Variants in ENOX1 observed in about 807,000 individuals in gnomAD.
The protein encoded by ENOX1 is ecto-NOX disulfide-thiol exchanger 1.
A neutral mutation model predicts 82.5 loss-of-function variants in ENOX1; 42 were observed. That is an observed-to-expected ratio of 0.51 (90% CI 0.40 to 0.66). ENOX1 has a LOEUF of 0.66. Ranked by LOEUF, ENOX1 falls within the 30% of genes least tolerant of loss-of-function variation. ENOX1 has a pLI of 0.00. For missense variants in ENOX1, 608 were observed against 811.6 expected (o/e 0.75, Z 3.05); for synonymous variants, 271 against 282.2 (o/e 0.96, Z 0.40).
At position 43,251,077 on chromosome 13, in the gene ENOX1, T is replaced by G. The variant is rs138868652; in HGVS notation, c.1611+14321A>C. Among the ~76,000 whole-genome samples, 491 of 151,728 alleles carry G rather than the reference T, an allele frequency of 3.2e-3. 2 individuals carry two copies. Among genetic ancestry groups the G allele is most frequent in the African/African-American group, 0.011 (461 of 41,390 alleles). The stretch of plus-strand genomic sequence containing the variant: ...GCAATCTGTGTTTTAAAAAGCTATC[T>G]TTGATTCGATTGCTTATTAAAGTTC... On this transcript the variant is annotated intron_variant, in intron 14 of 16. Transcript: ENST00000690772.
chr13:43,386,535 C>A (rs769774426), intron 5 of ENOX1, among the ~76,000 whole-genome samples: 4 of 152,122 alleles, frequency 2.6e-5, no homozygotes, highest in Non-Finnish European at 4.4e-5. Context: ...GACAGCTGCT[C>A]CCCATTCAGT....
chr13:43,732,913 G>A (rs1443163065), intron 1 of ENOX1, among the ~76,000 whole-genome samples: 1 of 152,164 alleles, frequency 6.6e-6, no homozygotes, highest in Non-Finnish European at 1.5e-5. Flanking sequence ...TGCCCATGTT[G>A]CAGACAGTGA....
At chr13:43,569,477 C>T (rs1436784368) in intron 2 of ENOX1, among the ~76,000 whole-genome samples, 1 of 152,114 alleles carries the variant, frequency 6.6e-6, no homozygotes, top group South Asian at 2.1e-4. Context: ...GCTCAGAGAC[C>T]TATGTTCTCT....
intron 3 of ENOX1, among the ~76,000 whole-genome samples, chr13:43,416,126 G>A (rs1191592723): frequency 7.1e-6 from 1 of 140,170 alleles, no homozygotes; most frequent in African/African-American, 2.9e-5. Flanking sequence ...CTTCCCAGAC[G>A]GGGTGGCCAG....
At chr13:43,743,680 A>G (rs1055993055) in intron 1 of ENOX1, among the ~76,000 whole-genome samples, 2 of 152,214 alleles carry the variant, frequency 1.3e-5, no homozygotes, top group African/African-American at 4.8e-5. Context: ...CACACAGGGA[A>G]GAAATGAAAT....
rs541754638 is a variant in ENOX1, at chr13:43,659,127, C to A, written c.-219+8352G>T. Reference sequence around the variant, plus strand: ...TTTCACCTCCTAACCCTTATAAATTCTGTTGTGTTTCATGGTTATAATATC... The same window carrying A: ...TTTCACCTCCTAACCCTTATAAATTATGTTGTGTTTCATGGTTATAATATC... On this transcript the variant is annotated intron_variant, in intron 2 of 16. Transcript: ENST00000690772. Among the ~76,000 whole-genome samples, 5 of 152,144 alleles carry A rather than the reference C, an allele frequency of 3.3e-5. No homozygotes were observed. The East Asian group carries it at 9.7e-4, about 29-fold the overall frequency.
intron 2 of ENOX1, among the ~76,000 whole-genome samples, chr13:43,540,951 C>G (rs1004266384): frequency 6.6e-6 from 1 of 152,040 alleles, no homozygotes; most frequent in Non-Finnish European, 1.5e-5. Flanking sequence ...AGGGTGATGT[C>G]AAGGATGATG....
chr13:43,707,282 T>G (rs1372002544), intron 1 of ENOX1, among the ~76,000 whole-genome samples: 1 of 152,166 alleles, frequency 6.6e-6, no homozygotes, highest in Non-Finnish European at 1.5e-5. Flanking sequence ...AATAGATGTT[T>G]CATGTTTCAG....
At chr13:43,282,816 G>C (rs938487177) in intron 12 of ENOX1, among the ~76,000 whole-genome samples, 1 of 152,002 alleles carries the variant, frequency 6.6e-6, no homozygotes, top group African/African-American at 2.4e-5. Flanking sequence ...CTATTGGCCA[G>C]GCGCGGTGGC....
intron 1 of ENOX1, among the ~76,000 whole-genome samples, chr13:43,777,987 CTT>C (rs915092417): frequency 9.2e-5 from 14 of 152,220 alleles, no homozygotes; most frequent in African/African-American, 2.9e-4. Context: ...TGTCAGCACT[CTT>C]TTGTTCTCGC....
At chr13:43,311,454 C>A (rs1489547736) in intron 11 of ENOX1, among the ~76,000 whole-genome samples, 3 of 151,910 alleles carry the variant, frequency 2.0e-5, no homozygotes, top group African/African-American at 7.3e-5. Context: ...ATTCATTTAA[C>A]AAAATCTTGC....
rs370174167 is a variant in ENOX1, at chr13:43,460,007, C to T, written c.-75+24002G>A. On this transcript the variant is annotated intron_variant, in intron 3 of 16. Transcript: ENST00000690772. ...AGACTCTGTCTCAAAAAACAAACAA[C>T]GACAACAACAACAAAAAACCAAAAC... is the stretch of plus-strand genomic sequence containing the variant. Among the ~76,000 whole-genome samples the T allele has an allele frequency of 1.1e-4, 16 of 151,934 alleles. 1 individual carries two copies. Among genetic ancestry groups the T allele is most frequent in the Admixed American group, 7.2e-4 (11 of 15,258 alleles).
chr13:43,559,073 C>G (rs1314685712), intron 2 of ENOX1, among the ~76,000 whole-genome samples: 1 of 152,172 alleles, frequency 6.6e-6, no homozygotes, highest in Non-Finnish European at 1.5e-5. Context: ...CAGAGACTTT[C>G]TCAGTTCATG....
intron 14 of ENOX1, among the ~76,000 whole-genome samples, chr13:43,254,887 G>A (rs1377340548): frequency 6.6e-6 from 1 of 152,098 alleles, no homozygotes; most frequent in East Asian, 1.9e-4. Flanking sequence ...GATTGAAGCA[G>A]TAATAAAAAG....
chr13:43,335,561 G>A (rs9567151), intron 9 of ENOX1, among the ~76,000 whole-genome samples: 28,426 of 151,972 alleles, frequency 0.19, 3,718 homozygotes, highest in East Asian at 0.55. Context: ...TCATATCAAA[G>A]TGACAGAGTT....
intron 11 of ENOX1, among the ~76,000 whole-genome samples, chr13:43,299,465 G>A (rs113452766): frequency 2.6e-5 from 4 of 152,138 alleles, no homozygotes; most frequent in Non-Finnish European, 4.4e-5. Flanking sequence ...CACCAAGCCT[G>A]TGATGCCGGT....
chr13:43,369,949 G>A (rs1256702731), intron 5 of ENOX1, among the ~76,000 whole-genome samples: 1 of 152,234 alleles, frequency 6.6e-6, no homozygotes, highest in Non-Finnish European at 1.5e-5. Flanking sequence ...CCTCTGTCCA[G>A]GTAGTTGTTG....
At chr13:43,363,220 T>C (rs187812688) in intron 5 of ENOX1, among the ~76,000 whole-genome samples, 1 of 152,336 alleles carries the variant, frequency 6.6e-6, no homozygotes, top group African/African-American at 2.4e-5. Flanking sequence ...ATTTCCATTT[T>C]ACAGAAAAGA....
intron 14 of ENOX1, among the ~76,000 whole-genome samples, chr13:43,265,042 CTT>C (rs2044288312): frequency 6.6e-6 from 1 of 152,206 alleles, no homozygotes; most frequent in Non-Finnish European, 1.5e-5. Context: ...GGCAGGCAAA[CTT>C]AATGAATATA....
Sources: gnomAD v4.1 joint callset for allele counts (sites outside exome capture counted in the v4.1 genomes callset) on GRCh38, gnomAD v4.1.1 for gene constraint, MANE v1.5 for transcripts, NCBI Gene and HGNC (gene_info 2026-07-23, HGNC 2026-07-21) for gene names.